CDH8: variants seen among roughly 807,000 people sequenced by gnomAD.
CDH8 encodes cadherin-8.
In CDH8, 17 loss-of-function variants were observed where a neutral mutation model predicts 68.1. The ratio of observed to expected loss-of-function variants is 0.25; its 90% CI spans 0.17 to 0.37. CDH8 has a LOEUF of 0.37. Among genes scored for constraint, CDH8 ranks in the 10% least tolerant of loss-of-function variants. CDH8 has a pLI of 1.00. For missense variants in CDH8, 763 were observed against 999.3 expected (o/e 0.76, Z 3.19); for synonymous variants, 372 against 365.1 (o/e 1.02, Z -0.21).
At chr16:61,782,096 C>A (rs189869034) in intron 8 of CDH8, among the ~76,000 whole-genome samples, 2 of 152,150 alleles carry the variant, frequency 1.3e-5, no homozygotes, top group South Asian at 2.1e-4. Context: ...CCAAGATGGC[C>A]GAATAGGAAC....
At chr16:61,909,045 T>C (rs1750135114) in intron 2 of CDH8, among the ~76,000 whole-genome samples, 1 of 151,694 alleles carries the variant, frequency 6.6e-6, no homozygotes, top group Non-Finnish European at 1.5e-5. Context: ...TAATCCTTGA[T>C]CAAATGAAAA....
intron 2 of CDH8, among the ~76,000 whole-genome samples, chr16:61,985,113 G>A (rs55729131): frequency 4.0e-5 from 6 of 150,982 alleles, no homozygotes; most frequent in Admixed American, 6.6e-5. Context: ...CAAGAATGTC[G>A]GTTTTTTTTT....
intron 2 of CDH8, among the ~76,000 whole-genome samples, chr16:61,945,783 G>T (rs1964792842): frequency 1.3e-5 from 2 of 152,316 alleles, no homozygotes; most frequent in South Asian, 2.1e-4. Context: ...GTTGCTAAAA[G>T]GTAGTGGGGC....
intron 2 of CDH8, among the ~76,000 whole-genome samples, chr16:61,987,642 G>A (rs1049970435): frequency 2.0e-5 from 3 of 151,972 alleles, no homozygotes. Flanking sequence ...TCAAATACAG[G>A]TCTGACTGAT....
chr16:61,704,666 C>G (rs1247343232), intron 10 of CDH8, among the ~76,000 whole-genome samples: 2 of 152,166 alleles, frequency 1.3e-5, no homozygotes, highest in African/African-American at 2.4e-5. Flanking sequence ...CACTTAGAGT[C>G]TGTTACAGAA....
At chr16:61,955,734 G>A (rs768498938) in intron 2 of CDH8, among the ~76,000 whole-genome samples, 9 of 152,116 alleles carry the variant, frequency 5.9e-5, no homozygotes, top group Non-Finnish European at 1.3e-4. Flanking sequence ...CTGATAGTCT[G>A]TAAAAATACA....
chr16:61,933,922 A>T (rs937960112), intron 2 of CDH8, among the ~76,000 whole-genome samples: 1 of 152,182 alleles, frequency 6.6e-6, no homozygotes, highest in African/African-American at 2.4e-5. Context: ...TTTTTCTCTG[A>T]CTAAGGAGAG....
At chr16:61,832,387 G>GAT (rs1962480124) in intron 4 of CDH8, among the ~76,000 whole-genome samples, 1 of 146,574 alleles carries the variant, frequency 6.8e-6, no homozygotes, top group Admixed American at 6.9e-5. Context: ...TAGATACATA[G>GAT]AGAAATAGAG....
chr16:61,971,559 A>G (rs538727607), intron 2 of CDH8, among the ~76,000 whole-genome samples: 1 of 152,322 alleles, frequency 6.6e-6, no homozygotes, highest in Non-Finnish European at 1.5e-5. Flanking sequence ...AGGAACCTCC[A>G]TGTGTTCAGC....
intron 4 of CDH8, among the ~76,000 whole-genome samples, chr16:61,833,017 A>G (rs1962493864): frequency 6.6e-6 from 1 of 151,650 alleles, no homozygotes; most frequent in Non-Finnish European, 1.5e-5. Context: ...CTAGATGAGA[A>G]ATTATTTTTG....
At chr16:61,989,783 A>G (rs1209980025) in intron 2 of CDH8, among the ~76,000 whole-genome samples, 1 of 152,140 alleles carries the variant, frequency 6.6e-6, no homozygotes, top group Non-Finnish European at 1.5e-5. Flanking sequence ...CTCTACAAAC[A>G]TTAATACTTT....
intron 3 of CDH8, among the ~76,000 whole-genome samples, chr16:61,862,074 C>T (rs1963160544): frequency 6.6e-6 from 1 of 151,728 alleles, no homozygotes; most frequent in Non-Finnish European, 1.5e-5. Flanking sequence ...TATCCACACG[C>T]TTAGAAAGAA....
intron 4 of CDH8, among the ~76,000 whole-genome samples, chr16:61,833,987 T>C (rs1225750057): frequency 6.6e-6 from 1 of 151,908 alleles, no homozygotes; most frequent in Non-Finnish European, 1.5e-5. Flanking sequence ...GAAAGCCATG[T>C]CATAATTATC....
At chr16:61,828,763 T>C (rs1483328429) in intron 4 of CDH8, among the ~76,000 whole-genome samples, 1 of 151,832 alleles carries the variant, frequency 6.6e-6, no homozygotes, top group Non-Finnish European at 1.5e-5. Context: ...TTTGTCTTAG[T>C]CTTAACCTTA....
chr16:61,923,406 C>G (rs1191229153), intron 2 of CDH8, among the ~76,000 whole-genome samples: 1 of 152,060 alleles, frequency 6.6e-6, no homozygotes, highest in Non-Finnish European at 1.5e-5. Context: ...TCACTGATAA[C>G]TTTTGCCATT....
intron 8 of CDH8, among the ~76,000 whole-genome samples, chr16:61,762,373 T>A (rs2142973081): frequency 6.6e-6 from 1 of 152,292 alleles, no homozygotes; most frequent in South Asian, 2.1e-4. Context: ...CTCTGTATTA[T>A]TTCTTAAAAC....
intron 6 of CDH8, among the ~76,000 whole-genome samples, chr16:61,820,095 A>G (rs1366959228): frequency 6.6e-6 from 1 of 152,086 alleles, no homozygotes; most frequent in Non-Finnish European, 1.5e-5. Context: ...TAACAAAAGC[A>G]GCCTCAAATT....
chr16:61,707,787 G>C (rs1238097906), intron 10 of CDH8, among the ~76,000 whole-genome samples: 1 of 152,074 alleles, frequency 6.6e-6, no homozygotes, highest in Admixed American at 6.5e-5. Context: ...CAGACTGACA[G>C]ATCATTTTGT....
intron 2 of CDH8, among the ~76,000 whole-genome samples, chr16:62,016,506 T>C (rs1027311946): frequency 1.3e-5 from 2 of 152,200 alleles, no homozygotes; most frequent in Non-Finnish European, 2.9e-5. Flanking sequence ...TATTTTTGTG[T>C]TGTGGCCAGA....
Sources: gnomAD v4.1 joint callset for allele counts (sites outside exome capture counted in the v4.1 genomes callset) on GRCh38, gnomAD v4.1.1 for gene constraint, MANE v1.5 for transcripts, NCBI Gene and HGNC (gene_info 2026-07-23, HGNC 2026-07-21) for gene names.